RINT1: variants seen among roughly 807,000 people sequenced by gnomAD.
RINT1 encodes RAD50-interacting protein 1.
Under a neutral mutation model 97.7 loss-of-function variants are expected in RINT1, and 75 were observed. That is an observed-to-expected ratio of 0.77 (90% CI 0.64 to 0.93). The LOEUF (loss-of-function observed/expected upper bound fraction) is 0.93, where lower values mean the gene tolerates loss of function less well. RINT1 is among the 40% of genes least tolerant of loss of function. The probability of loss-of-function intolerance (pLI) is 0.00; values close to 1 mark genes in which losing one functional copy is unlikely to be tolerated. For missense variants in RINT1, 892 were observed against 925.2 expected, an observed-to-expected ratio of 0.96 and a Z score of 0.47; for synonymous variants, 303 against 326.3, an observed-to-expected ratio of 0.93 and a Z score of 0.77.
intron 3 of RINT1, among the ~76,000 whole-genome samples, chr7:105,539,694 T>C (rs942873383): frequency 6.6e-6 from 1 of 152,098 alleles, no homozygotes; most frequent in Non-Finnish European, 1.5e-5. Context: ...GCTGATACCA[T>C]GTTAGTTTAG....
At chr7:105,545,777 A>G (rs1005301996) in intron 4 of RINT1, among the ~76,000 whole-genome samples, 9 of 150,572 alleles carry the variant, frequency 6.0e-5, no homozygotes, top group African/African-American at 2.0e-4. Context: ...TGATCCACCC[A>G]TGTTGGCCTC....
chr7:105,553,244 A>T lies in RINT1; in HGVS notation c.1471+1537A>T, dbSNP rs144451948. 1.1e-3 allele frequency among the ~76,000 whole-genome samples: 167 copies of T among 151,112 alleles called. 2 individuals carry two copies. Among genetic ancestry groups the T allele is most frequent in the African/African-American group, 4.0e-3 (163 of 41,210 alleles). On this transcript the variant is annotated intron_variant, in intron 10 of 14. Coordinates refer to ENST00000257700, the MANE Select transcript of RINT1 (RefSeq NM_021930.6). ...TGTCAATTGTAAATTCTTTTTTTTG[A>T]GACAGAATTTCGCTCTTGTCACCCA...
chr7:105,543,255 T>A (rs921891352), intron 4 of RINT1, among the ~76,000 whole-genome samples: 9 of 152,208 alleles, frequency 5.9e-5, no homozygotes, highest in African/African-American at 2.2e-4. Flanking sequence ...AATGCCAAAT[T>A]AATAAAACAC....
intron 14 of RINT1, 64 bp downstream of exon 14, chr7:105,565,712 T>G: frequency 9.1e-7 from 1 of 1,093,388 alleles, no homozygotes; most frequent in Middle Eastern, 3.0e-4. Context: ...TAACTCCTTT[T>G]AACTTTAGGG....
chr7:105,555,221 C>A lies in RINT1; in HGVS notation c.1665C>A (p.Asp555Glu). The change falls in exon 11 of 15, where the codon GAC (aspartate) becomes GAA (glutamate). Residue 555 changes from aspartate (D) to glutamate (E), a missense_variant. Asp to Glu is a conservative substitution (Grantham distance 45). Transcript: ENST00000257700. The stretch of plus-strand genomic sequence containing the variant: ...CAACAGTACTAGCAGATTGGGCTGA[C>A]AATGTTGTGAGTTAATATGCTTTTA... Reference protein sequence around the residue: ...YISTVLADWADNVFFLQLQQA... With the variant: ...YISTVLADWAENVFFLQLQQA... 2 of 1,611,970 alleles carry A rather than the reference C, an allele frequency of 1.2e-6. No individual in the cohort carries two copies. Among genetic ancestry groups the A allele is most frequent in the South Asian group, 2.2e-5 (2 of 90,838 alleles).
chr7:105,565,725 C>T (rs926356788), intron 14 of RINT1, 77 bp downstream of exon 14: 21 of 969,314 alleles, frequency 2.2e-5, no homozygotes, highest in Non-Finnish European at 3.3e-5. Context: ...CTTTAGGGTT[C>T]TGGAGATGTT....
chr7:105,537,792 T>C (rs896507802), intron 3 of RINT1, among the ~76,000 whole-genome samples: 2 of 151,748 alleles, frequency 1.3e-5, no homozygotes, highest in Non-Finnish European at 2.9e-5. Flanking sequence ...GCTGAGATCA[T>C]GCCATCGCAC....
intron 4 of RINT1, among the ~76,000 whole-genome samples, 185 bp from the exon 5 acceptor site, chr7:105,546,725 A>C (rs1483253534): frequency 6.6e-6 from 1 of 151,996 alleles, no homozygotes; most frequent in Admixed American, 6.6e-5. Flanking sequence ...AATACAAAAA[A>C]TTTAGCCAGG....
chr7:105,545,431 T>C (rs1438222388), intron 4 of RINT1, among the ~76,000 whole-genome samples: 2 of 148,676 alleles, frequency 1.3e-5, no homozygotes, highest in Non-Finnish European at 3.0e-5. Flanking sequence ...GCAGCCTAGG[T>C]GACAGAGTGA....
chr7:105,551,663 C>T lies in RINT1; in HGVS notation c.1427C>T (p.Pro476Leu). ...ACTGACGTGGATGAAATGAAAGTTC[C>T]AGATTGTGCAGAAACTTTTATGACT... ...DITDVDEMKV[P>L]DCAETFMTLL... Residue 476 changes from proline to leucine, a missense_variant, in exon 10 of 15, where the codon CCA becomes CTA. Transcript: ENST00000257700. 6.2e-7 allele frequency: 1 copy of T among 1,611,984 alleles called. No individual in the cohort carries two copies. The highest frequency in any genetic ancestry group is 8.5e-7 in the Non-Finnish European group (1 of 1,178,934).
Position 105,546,960 on chromosome 7 carries a change from C to T in RINT1, c.566C>T (p.Ser189Phe). The stretch of plus-strand genomic sequence containing the variant: ...ACCAATAATGTACCGGAGGCAGCCT[C>T]CACTCTAGTGTCTATGGCAGAACTT... ...LMTNNVPEAA[S>F]TLVSMAELDI... The change falls in exon 5 of 15, where the codon TCC becomes TTC. Residue 189 changes from serine (S) to phenylalanine (F), a missense_variant. By Grantham distance (155) the Ser-to-Phe change is radical. Coordinates refer to ENST00000257700, the MANE Select transcript of RINT1 (RefSeq NM_021930.6). The T allele has an allele frequency of 1.9e-6, 3 of 1,613,612 alleles. No individual in the cohort carries two copies. Among genetic ancestry groups the T allele is most frequent in the Middle Eastern group, 1.6e-4 (1 of 6,062 alleles).
At chr7:105,534,803 C>T (rs1188539591) in intron 2 of RINT1, among the ~76,000 whole-genome samples, 2 of 152,004 alleles carry the variant, frequency 1.3e-5, no homozygotes, top group Non-Finnish European at 2.9e-5. Flanking sequence ...GTCAGTACCA[C>T]CTCCTGATTC....
At chr7:105,552,895 A>T (rs552107080) in intron 10 of RINT1, among the ~76,000 whole-genome samples, 1 of 151,550 alleles carries the variant, frequency 6.6e-6, no homozygotes, top group African/African-American at 2.4e-5. Context: ...GCTGGTCTTG[A>T]ACTCCTGACC....
At chr7:105,539,035 A>G (rs1190937140) in intron 3 of RINT1, among the ~76,000 whole-genome samples, 2 of 152,236 alleles carry the variant, frequency 1.3e-5, no homozygotes, top group Non-Finnish European at 2.9e-5. Flanking sequence ...GGCTTCAGAA[A>G]GTAACCTTTG....
intron 3 of RINT1, among the ~76,000 whole-genome samples, chr7:105,540,324 G>A (rs1322308503): frequency 2.0e-5 from 3 of 152,074 alleles, no homozygotes; most frequent in African/African-American, 7.2e-5. Context: ...GTGCAGTGGA[G>A]CGATCTCAGC....
chr7:105,538,764 C>G (rs1562841420), intron 3 of RINT1, among the ~76,000 whole-genome samples: 1 of 152,198 alleles, frequency 6.6e-6, no homozygotes, highest in Non-Finnish European at 1.5e-5. Context: ...AATAGTCTAT[C>G]CCACAATCGA....
intron 4 of RINT1, among the ~76,000 whole-genome samples, chr7:105,545,514 GTATA>G (rs200060805): frequency 7.0e-6 from 1 of 143,716 alleles, no homozygotes; most frequent in Non-Finnish European, 1.5e-5. Flanking sequence ...TGTAATATTT[GTATA>G]TATATATATA....
At chr7:105,537,112 C>G (rs976145728) in intron 3 of RINT1, among the ~76,000 whole-genome samples, 2 of 128,652 alleles carry the variant, frequency 1.6e-5, no homozygotes, top group Non-Finnish European at 3.5e-5. Context: ...ATGGTGTAAA[C>G]ACCATCATTT....
In RINT1 at chr7:105,563,066, T is replaced by TAA. The variant is rs149463590; in HGVS notation, c.1672-660_1672-659dup. On this transcript the variant is annotated intron_variant, in intron 11 of 14. Coordinates refer to ENST00000257700, the MANE Select transcript of RINT1 (RefSeq NM_021930.6). Reference sequence around the variant, plus strand: ...TATAATGGAATATTACCTGGCAATGTAAAAAAAATGAAGTGCTGATACGTG... The same window carrying TAA: ...TATAATGGAATATTACCTGGCAATGTAAAAAAAAAATGAAGTGCTGATACGTG... Among the ~76,000 whole-genome samples, 8 of 151,976 alleles carry TAA rather than the reference T, an allele frequency of 5.3e-5. No individual in the cohort carries two copies. The South Asian group carries it at 8.3e-4, about 16-fold the overall frequency.
Sources: allele counts gnomAD v4.1 joint callset (sites outside exome capture counted in the v4.1 genomes callset), GRCh38; gene constraint gnomAD v4.1.1; transcripts MANE v1.5; gene names NCBI Gene and HGNC (gene_info 2026-07-23, HGNC 2026-07-21).